SLC6A12: variants seen among roughly 807,000 people sequenced by gnomAD.
The protein encoded by SLC6A12 is sodium- and chloride-dependent betaine transporter.
A neutral mutation model predicts 73.3 loss-of-function variants in SLC6A12; 50 were observed. The observed-to-expected ratio is 0.68, with a 90% confidence interval of 0.54 to 0.86. SLC6A12 has a LOEUF of 0.86. Among genes scored for constraint, SLC6A12 ranks in the 40% least tolerant of loss-of-function variants. The probability of loss-of-function intolerance (pLI) is 0.00; values close to 1 mark genes in which losing one functional copy is unlikely to be tolerated. For missense variants in SLC6A12, 648 were observed against 772.8 expected, an observed-to-expected ratio of 0.84 and a Z score of 1.92; for synonymous variants, 304 against 309.2, an observed-to-expected ratio of 0.98 and a Z score of 0.18.
Position 192,555 on chromosome 12 carries a change from G to A in SLC6A12, c.1624C>T (p.Leu542=), listed in dbSNP as rs779416925. The A allele has an allele frequency of 5.0e-6, 8 of 1,614,154 alleles. No homozygotes were observed. The highest frequency in any genetic ancestry group is 5.9e-6 in the Non-Finnish European group (7 of 1,180,030). The change falls in exon 15 of 16, where the codon CTG becomes TTG. Residue 542 remains leucine, a synonymous_variant. Transcript: ENST00000684302. ...ACACAGACCATGGAGGACAGAGCCA[G>A]GAACCAGCCAATGGAGTATCCCCAG... is the stretch of plus-strand genomic sequence containing the variant. ...PPWGYSIGWF[L]ALSSMVCVPL...
rs1332397552 is a variant in SLC6A12 at position 200,872 on chromosome 12, A to T, written c.579-89T>A. Reference sequence around the variant, plus strand: ...GCAAGTCTCCTGATTCTCAGAGCTGACCCCACGGATCTCATATTCCAGGGC... The same window carrying T: ...GCAAGTCTCCTGATTCTCAGAGCTGTCCCCACGGATCTCATATTCCAGGGC... On this transcript the variant is annotated intron_variant, in intron 6 of 15. Transcript: ENST00000684302. 5 of 1,388,450 alleles carry T rather than the reference A, an allele frequency of 3.6e-6. No homozygotes were observed. In the East Asian group the frequency reaches 1.2e-4, roughly 33 times the overall value. 86.0% of individuals were successfully genotyped at this position (1,388,450 alleles called of 1,614,324 possible). A position where few individuals can be genotyped will look rare whatever the true frequency, so the allele number is the denominator to read the frequency against.
intron 2 of SLC6A12, 92 bp from the exon 3 acceptor site, chr12:210,135 G>T (rs1238802521): frequency 2.8e-6 from 4 of 1,406,790 alleles, no homozygotes; most frequent in African/African-American, 2.9e-5. Context: ...GCATATTGTT[G>T]TTCTTCCCAA....
chr12:186,882 T>TGG (rs1195634330), downstream of SLC6A12, among the ~76,000 whole-genome samples: 1 of 152,178 alleles, frequency 6.6e-6, no homozygotes, highest in East Asian at 1.9e-4. Context: ...CTGGAGCCTG[T>TGG]GGTAACCCTG....
Position 202,620 on chromosome 12 carries a change from C to T in SLC6A12, c.490+120G>A, listed in dbSNP as rs756187459. ...AGGAGCAGAGCTGCCCAGGAGCCCACGTGGCTTGGCTGCCAGGCAGGTTCT... is the reference window on the plus strand; with the variant it reads ...AGGAGCAGAGCTGCCCAGGAGCCCATGTGGCTTGGCTGCCAGGCAGGTTCT... On this transcript the variant is annotated intron_variant, in intron 5 of 15. Coordinates refer to ENST00000684302, the MANE Select transcript of SLC6A12 (RefSeq NM_001122848.3). The T allele has an allele frequency of 2.8e-5, 29 of 1,024,420 alleles. No homozygotes were observed. In the East Asian group the frequency reaches 5.8e-4, roughly 20 times the overall value. The allele number at this position is 1,024,420 out of a possible 1,614,324, so 63.5% of individuals were successfully genotyped here.
At chr12:184,912 G>A in the SLC6A12 span, among the ~76,000 whole-genome samples, 1 of 144,436 alleles carries the variant, frequency 6.9e-6, no homozygotes, top group Non-Finnish European at 1.5e-5. Context: ...CAGCCTGGGG[G>A]ACAGAATGAA....
chr12:192,035 C>A (rs1435806058), intron 15 of SLC6A12, among the ~76,000 whole-genome samples: 2 of 152,180 alleles, frequency 1.3e-5, no homozygotes, highest in Non-Finnish European at 2.9e-5. Context: ...AGACAGGGAG[C>A]CTCTTGCGTG....
intron 10 of SLC6A12, 42 bp from the exon 11 acceptor site, chr12:196,924 T>A (rs372860542): frequency 1.4e-6 from 2 of 1,443,538 alleles, no homozygotes; most frequent in South Asian, 2.3e-5. Flanking sequence ...CCAGGGCGTG[T>A]GCTGCCCTTG....
chr12:187,632 CAA>C (rs766643317), downstream of SLC6A12, among the ~76,000 whole-genome samples: 144 of 96,404 alleles, frequency 1.5e-3, 7 homozygotes, highest in South Asian at 3.1e-3. Context: ...AAAAAAAAAA[CAA>C]ACCACACACA....
In SLC6A12 at chr12:200,667, A is replaced by AC; in HGVS notation, c.694dup (p.Val232GlyfsTer123). On this transcript the variant is annotated frameshift_variant, in exon 7 of 16. Transcript: ENST00000684302. LOFTEE classifies it high-confidence loss of function. ...ACATCTCACCTTGCCTGTGGACTTG[A>AC]CCCCCTTCCAGATGCAGAAATAGCA... 1 of 1,613,914 alleles carries AC rather than the reference A, an allele frequency of 6.2e-7. No individual in the cohort carries two copies. The highest frequency in any genetic ancestry group is 8.5e-7 in the Non-Finnish European group (1 of 1,179,956).
chr12:186,864 G>A (rs997579769), downstream of SLC6A12, among the ~76,000 whole-genome samples: 6 of 152,280 alleles, frequency 3.9e-5, no homozygotes, highest in African/African-American at 9.6e-5. Context: ...GGTCCACACC[G>A]GAGCAGGCTG....
chr12:191,663 T>G (rs1440932306), intron 15 of SLC6A12, among the ~76,000 whole-genome samples: 1 of 152,050 alleles, frequency 6.6e-6, no homozygotes, highest in Non-Finnish European at 1.5e-5. Flanking sequence ...GCTACGACTG[T>G]TGGTGGTGGT....
chr12:197,611 G>C, intron 9 of SLC6A12, 110 bp from the exon 10 acceptor site: 4 of 1,161,236 alleles, frequency 3.4e-6, no homozygotes, highest in Non-Finnish European at 4.8e-6. Flanking sequence ...ACCAAGGAGA[G>C]AGAAGGGGGA....
At chr12:199,021 G>T in intron 7 of SLC6A12, 90 bp from the exon 8 acceptor site, 2 of 1,341,902 alleles carry the variant, frequency 1.5e-6, no homozygotes, top group African/African-American at 1.4e-5. Flanking sequence ...GTCACACGGA[G>T]CTCAGTCCCA....
chr12:188,683 CCACA>C (rs56736458), downstream of SLC6A12, among the ~76,000 whole-genome samples: 66,440 of 151,698 alleles, frequency 0.44, 14,970 homozygotes, highest in African/African-American at 0.55. Flanking sequence ...GTATGCACAC[CCACA>C]CACACACAGG....
downstream of SLC6A12, among the ~76,000 whole-genome samples, chr12:186,183 C>T (rs997722964): frequency 1.3e-5 from 2 of 152,086 alleles, no homozygotes; most frequent in Non-Finnish European, 2.9e-5. Flanking sequence ...ACGCCTGACT[C>T]TCAAAGAGGG....
At chr12:195,429 C>T (rs1406324037) in intron 12 of SLC6A12, 102 bp from the exon 13 acceptor site, 22 of 761,456 alleles carry the variant, frequency 2.9e-5, no homozygotes, top group Middle Eastern at 4.8e-4. Flanking sequence ...CACTCCTGCC[C>T]GGCCTGTGGG....
Position 197,110 on chromosome 12 carries a change from C to CATCT in SLC6A12, c.1076-229_1076-228insAGAT, listed in dbSNP as rs1565468930. Among the ~76,000 whole-genome samples the CATCT allele has an allele frequency of 1.0e-3, 48 of 47,514 alleles. 2 individuals are homozygous for CATCT. In the South Asian group the frequency reaches 0.022, roughly 22 times the overall value. 31.2% of individuals were successfully genotyped at this position (47,514 alleles called of 152,430 possible). A position where few individuals can be genotyped will look rare whatever the true frequency, so the allele number is the denominator to read the frequency against. Reference sequence around the variant, plus strand: ...CCATCCATCCATCCATCCATCCATCCATCCATCCATCCATCCATCCATCCA... The same window carrying CATCT: ...CCATCCATCCATCCATCCATCCATCCATCTATCCATCCATCCATCCATCCATCCA... On this transcript the variant is annotated intron_variant, in intron 10 of 15. Transcript: ENST00000684302.
downstream of SLC6A12, among the ~76,000 whole-genome samples, chr12:188,135 G>C (rs1308405311): frequency 6.6e-6 from 1 of 152,224 alleles, no homozygotes; most frequent in Non-Finnish European, 1.5e-5. Context: ...CAGCCCTTGG[G>C]TGGTCGATGG....
chr12:183,956 G>T, the SLC6A12 span, among the ~76,000 whole-genome samples: 2 of 152,000 alleles, frequency 1.3e-5, no homozygotes, highest in African/African-American at 4.8e-5. Context: ...TCATGAGCCT[G>T]GTGTAATCTC....
Sources: allele counts gnomAD v4.1 joint callset (sites outside exome capture counted in the v4.1 genomes callset), GRCh38; gene constraint gnomAD v4.1.1; transcripts MANE v1.5; gene names NCBI Gene and HGNC (gene_info 2026-07-23, HGNC 2026-07-21).